The following DNAH12 variants were observed in gnomAD, a reference collection of about 807,000 sequenced individuals.
The protein encoded by DNAH12 is dynein axonemal heavy chain 12, also known as axonemal beta dynein heavy chain 12.
Under a neutral mutation model 371.5 loss-of-function variants are expected in DNAH12, and 285 were observed. That is an observed-to-expected ratio of 0.77 (90% CI 0.70 to 0.85). The LOEUF is 0.85. Ranked by LOEUF, DNAH12 falls within the 40% of genes least tolerant of loss-of-function variation. The probability of loss-of-function intolerance (pLI) is 0.00; values close to 1 mark genes in which losing one functional copy is unlikely to be tolerated. For synonymous variants in DNAH12, 1,200 were observed against 1,213.0 expected (o/e 0.99, Z 0.22); for missense variants, 3,611 against 3,689.4 (o/e 0.98, Z 0.55).
chr3:57,389,822 G>GTGTGTGTGTGTGTC (rs1326306277), intron 45 of DNAH12, among the ~76,000 whole-genome samples: 1 of 45,814 alleles, frequency 2.2e-5, no homozygotes, highest in African/African-American at 4.4e-5. Flanking sequence ...GTGTGTGTGT[G>GTGTGTGTGTGTGTC]TATATATATA....
At chr3:57,418,216 C>G (rs1472036215) in intron 37 of DNAH12, among the ~76,000 whole-genome samples, 1 of 151,234 alleles carries the variant, frequency 6.6e-6, no homozygotes. Context: ...TCTATTTGTA[C>G]TTATTTAAAA....
intron 43 of DNAH12, among the ~76,000 whole-genome samples, 180 bp downstream of exon 43, chr3:57,403,129 T>C (rs1439577802): frequency 6.6e-6 from 1 of 152,074 alleles, no homozygotes; most frequent in Non-Finnish European, 1.5e-5. Flanking sequence ...GTAAAAGCGG[T>C]AAAAGCTAGG....
intron 35 of DNAH12, among the ~76,000 whole-genome samples, chr3:57,422,891 C>T (rs2064636251): frequency 6.6e-6 from 1 of 152,150 alleles, no homozygotes; most frequent in Non-Finnish European, 1.5e-5. Context: ...AACAAGGTCA[C>T]TCTATAAGCA....
intron 16 of DNAH12, among the ~76,000 whole-genome samples, chr3:57,469,259 C>T (rs953169411): frequency 6.6e-6 from 1 of 152,094 alleles, no homozygotes; most frequent in African/African-American, 2.4e-5. Context: ...AAATGCAAAT[C>T]AAACCACAAT....
chr3:57,523,703 C>T, intron 3 of DNAH12, 94 bp from the exon 4 acceptor site: 1 of 1,268,354 alleles, frequency 7.9e-7, no homozygotes. Flanking sequence ...TTAAATATAT[C>T]TATTATTCCT....
intron 41 of DNAH12, 54 bp from the exon 42 acceptor site, chr3:57,405,201 TAAGAA>T (rs1219430596): frequency 7.0e-7 from 1 of 1,437,274 alleles, no homozygotes; most frequent in Non-Finnish European, 9.2e-7. Context: ...AAAATAAATT[TAAGAA>T]AACAAAATTT....
In DNAH12 at chr3:57,392,620, C is replaced by A. The variant is rs922469895; in HGVS notation, c.7111-554G>T. Among the ~76,000 whole-genome samples the A allele has an allele frequency of 3.3e-5, 5 of 151,836 alleles. No individual in the cohort carries two copies. In the East Asian group the frequency reaches 5.8e-4, roughly 18 times the overall value. On this transcript the variant is annotated intron_variant, in intron 44 of 73. Coordinates refer to ENST00000495027, the MANE Select transcript of DNAH12 (RefSeq NM_001366028.2). ...AAAACAAAAACAAACAACAAAAAAA[C>A]ACACACACAGTGTATTTTGTGCTAC...
Position 57,377,158 on chromosome 3 carries a change from A to G in DNAH12, c.8288T>C (p.Leu2763Pro), listed in dbSNP as rs2063297201. 6.6e-6 allele frequency: 1 copy of G among 152,134 alleles called. No homozygotes were observed. Among genetic ancestry groups the G allele is most frequent in the African/African-American group, 2.4e-5 (1 of 41,448 alleles). 9.4% of individuals were successfully genotyped at this position (152,134 alleles called of 1,614,324 possible). A position where few individuals can be genotyped will look rare whatever the true frequency, so the allele number is the denominator to read the frequency against. The change falls in exon 53 of 74, where the codon CTT becomes CCT. Residue 2763 changes from leucine to proline, a missense_variant. By Grantham distance (98) the Leu-to-Pro change is moderately conservative. This residue lies in a region of DNAH12 where 2,266 missense variants were observed against 2,236.9 expected (regional missense o/e 1.01). Coordinates refer to ENST00000495027, the MANE Select transcript of DNAH12 (RefSeq NM_001366028.2). ...CAGTTCTGCTCTCTTCTGATTCAAA[A>G]GCTCCATTGTCTCAGCTAAAGACTT... is the stretch of plus-strand genomic sequence containing the variant. ...AQKSLAETME[L>P]LNQKRAELAE...
At chr3:57,520,019 C>G (rs903959572) in intron 4 of DNAH12, 53 of 764,996 alleles carry the variant, frequency 6.9e-5, no homozygotes, top group Admixed American at 4.4e-5. Flanking sequence ...ATGGTAGCGC[C>G]GCGGAGCCGA....
intron 37 of DNAH12, among the ~76,000 whole-genome samples, chr3:57,417,515 G>T (rs2064417752): frequency 1.3e-5 from 2 of 152,040 alleles, no homozygotes; most frequent in Non-Finnish European, 1.5e-5. Context: ...TTAACTTGGG[G>T]TCCATGAGCC....
chr3:57,523,490 A>G, intron 4 of DNAH12, 93 bp downstream of exon 4: 1 of 1,030,158 alleles, frequency 9.7e-7, no homozygotes. Flanking sequence ...TTTATTTTCT[A>G]GAATGGGACT....
At chr3:57,496,796 C>CAAATTT (rs1279300063) in intron 11 of DNAH12, among the ~76,000 whole-genome samples, 176 of 152,280 alleles carry the variant, frequency 1.2e-3, no homozygotes, top group African/African-American at 3.9e-3. Context: ...TGGCAAAACC[C>CAAATTT]TGTCTCTACT....
chr3:57,520,721 G>GT (rs927424478), intron 4 of DNAH12, among the ~76,000 whole-genome samples: 1 of 151,992 alleles, frequency 6.6e-6, no homozygotes, highest in African/African-American at 2.4e-5. Context: ...GATTACAGGT[G>GT]TGAGCACCCG....
chr3:57,429,594 C>T, intron 33 of DNAH12, 97 bp downstream of exon 33: 2 of 1,136,904 alleles, frequency 1.8e-6, no homozygotes, highest in South Asian at 3.1e-5. Context: ...TTCCTAGTGC[C>T]TAACCCATTT....
At chr3:57,424,070 T>C (rs571900287) in intron 35 of DNAH12, among the ~76,000 whole-genome samples, 1 of 152,306 alleles carries the variant, frequency 6.6e-6, no homozygotes, top group Non-Finnish European at 1.5e-5. Flanking sequence ...AGCTTTTATG[T>C]TGCCTAAATG....
chr3:57,420,908 C>CAA (rs369971376), intron 36 of DNAH12, among the ~76,000 whole-genome samples: 861 of 77,644 alleles, frequency 0.011, 34 homozygotes, highest in African/African-American at 0.037. Flanking sequence ...GACTCCGTCT[C>CAA]AAAAAAAAAA....
chr3:57,418,875 CAG>C (rs1308889024), intron 37 of DNAH12, among the ~76,000 whole-genome samples: 2 of 152,096 alleles, frequency 1.3e-5, no homozygotes, highest in Non-Finnish European at 2.9e-5. Flanking sequence ...GATATGCAAA[CAG>C]TACACATCTA....
At chr3:57,509,583 C>T (rs1188975781) in intron 5 of DNAH12, among the ~76,000 whole-genome samples, 2 of 151,882 alleles carry the variant, frequency 1.3e-5, no homozygotes, top group African/African-American at 2.4e-5. Flanking sequence ...ACATGGAGGC[C>T]GAGCGCGGTG....
chr3:57,503,949 C>A (rs920228785), intron 9 of DNAH12, 67 bp downstream of exon 9: 2 of 1,288,806 alleles, frequency 1.6e-6, no homozygotes, highest in African/African-American at 2.9e-5. Context: ...TGTATGTACA[C>A]ATACACTGCA....
Sources: allele counts gnomAD v4.1 joint callset (sites outside exome capture counted in the v4.1 genomes callset), GRCh38; gene constraint gnomAD v4.1.1; regional missense constraint gnomAD v4.1.1; transcripts MANE v1.5; gene names NCBI Gene and HGNC (gene_info 2026-07-23, HGNC 2026-07-21).